The following TIPIN variants were observed in gnomAD, a reference collection of about 807,000 sequenced individuals.
The protein encoded by TIPIN is TIMELESS-interacting protein.
TIPIN carries 29 observed loss-of-function variants against 35.6 expected under a neutral mutation model. The ratio of observed to expected loss-of-function variants is 0.82; its 90% CI spans 0.61 to 1.11. TIPIN has a LOEUF of 1.11. Among genes scored for constraint, TIPIN ranks in the 50% most tolerant of loss-of-function variants. The pLI is 0.00. For missense variants in TIPIN, 296 were observed against 345.4 expected, an observed-to-expected ratio of 0.86 and a Z score of 1.13; for synonymous variants, 102 against 121.5, an observed-to-expected ratio of 0.84 and a Z score of 1.06.
chr15:66,367,754 A>G, intron 1 of TIPIN, among the ~76,000 whole-genome samples: 1 of 152,040 alleles, frequency 6.6e-6, no homozygotes, highest in Non-Finnish European at 1.5e-5. Context: ...CCAAGAAAAA[A>G]AAAGGACATT....
At chr15:66,361,341 C>T (rs1457413644), upstream of TIPIN, among the ~76,000 whole-genome samples, 10 of 150,748 alleles carry the variant, frequency 6.6e-5, no homozygotes, top group African/African-American at 1.7e-4. Context: ...CTGCAAGCTC[C>T]GCTTCCCGGG....
At chr15:66,368,045 G>A (rs537484070) in intron 1 of TIPIN, among the ~76,000 whole-genome samples, 2 of 151,612 alleles carry the variant, frequency 1.3e-5, no homozygotes, top group East Asian at 3.9e-4. Context: ...TGTTGGCCAG[G>A]CTGGTCTCGA....
chr15:66,351,798 C>T (rs2093170023), intron 3 of TIPIN, among the ~76,000 whole-genome samples, 198 bp from the exon 4 acceptor site: 1 of 151,972 alleles, frequency 6.6e-6, no homozygotes, highest in Non-Finnish European at 1.5e-5. Flanking sequence ...CACCACTGCA[C>T]CCAGCTAATT....
At chr15:66,357,595 CAAAAAAAAAAAAAAAAAAA>C (rs574898699), upstream of TIPIN, among the ~76,000 whole-genome samples, 1 of 63,440 alleles carries the variant, frequency 1.6e-5, no homozygotes. Flanking sequence ...GATCTTGTCG[CAAAAAAAAAAAAAAAAAAA>C]AAAAAAAAAG....
intron 6 of TIPIN, among the ~76,000 whole-genome samples, chr15:66,342,671 G>A (rs747960779): frequency 4.6e-5 from 7 of 152,070 alleles, no homozygotes; most frequent in Non-Finnish European, 8.8e-5. Context: ...GCCAGTAAAA[G>A]GTAATTTTAT....
chr15:66,376,255 C>G (rs540590576), intron 1 of TIPIN, among the ~76,000 whole-genome samples: 2 of 152,146 alleles, frequency 1.3e-5, no homozygotes, highest in African/African-American at 4.8e-5. Flanking sequence ...TTGGAATGAC[C>G]GTACTGTATA....
chr15:66,364,116 T>A (rs1286286846), intron 1 of TIPIN, among the ~76,000 whole-genome samples: 1 of 149,562 alleles, frequency 6.7e-6, no homozygotes. Flanking sequence ...CAGGGACAAA[T>A]ATCCAAACCA....
At chr15:66,375,976 C>T (rs187293749) in intron 1 of TIPIN, among the ~76,000 whole-genome samples, 7 of 152,086 alleles carry the variant, frequency 4.6e-5, no homozygotes, top group African/African-American at 7.2e-5. Flanking sequence ...CGGCGCACGC[C>T]TGTAGTCCTA....
Position 66,349,364 on chromosome 15 carries a change from T to C in TIPIN, c.362A>G (p.Glu121Gly). Residue 121 changes from glutamate to glycine, a missense_variant, in exon 5 of 8, where the codon GAG becomes GGG. Transcript: ENST00000261881. ...GTATTCAACTCTGTCAATAAAATCC[T>C]CAAACTGCAGTTTAGGGAATAGCCT... is the stretch of plus-strand genomic sequence containing the variant. ...AHRLFPKLQF[E>G]DFIDRVEYLG... 1 of 1,614,096 alleles carries C rather than the reference T, an allele frequency of 6.2e-7. No homozygotes were observed. The highest frequency in any genetic ancestry group is 8.5e-7 in the Non-Finnish European group (1 of 1,180,014).
chr15:66,384,593 A>T (rs1360462185), intron 1 of TIPIN, among the ~76,000 whole-genome samples: 2 of 151,912 alleles, frequency 1.3e-5, no homozygotes, highest in Non-Finnish European at 2.9e-5. Context: ...CACTGCATCC[A>T]CCCAGAATAA....
chr15:66,372,367 G>A (rs2093280711), intron 1 of TIPIN, among the ~76,000 whole-genome samples: 1 of 152,228 alleles, frequency 6.6e-6, no homozygotes, highest in Admixed American at 6.5e-5. Context: ...CAGGATGTTT[G>A]TGAGATTTAC....
chr15:66,338,813 CAAA>C (rs35966273), intron 7 of TIPIN, among the ~76,000 whole-genome samples: 1 of 35,282 alleles, frequency 2.8e-5, no homozygotes, highest in African/African-American at 1.3e-4. Context: ...GACTCCGTCT[CAAA>C]AAAAAAAAAA....
At chr15:66,365,212 G>A (rs556417870) in intron 1 of TIPIN, among the ~76,000 whole-genome samples, 158 of 152,196 alleles carry the variant, frequency 1.0e-3, no homozygotes, top group African/African-American at 3.7e-3. Context: ...ACAAAAGCCA[G>A]CCAAAACCCA....
intron 1 of TIPIN, among the ~76,000 whole-genome samples, chr15:66,362,247 G>A (rs2093234831): frequency 6.6e-6 from 1 of 151,684 alleles, no homozygotes; most frequent in African/African-American, 2.4e-5. Context: ...AAGTTGCAGT[G>A]AGCCGAGATT....
At chr15:66,350,331 C>T (rs1016883480) in intron 4 of TIPIN, among the ~76,000 whole-genome samples, 8 of 152,004 alleles carry the variant, frequency 5.3e-5, no homozygotes, top group African/African-American at 9.7e-5. Flanking sequence ...GTTGGCCAGG[C>T]GCAGTGTCTC....
intron 1 of TIPIN, among the ~76,000 whole-genome samples, chr15:66,369,180 C>T (rs1007691723): frequency 1.3e-5 from 2 of 151,934 alleles, no homozygotes; most frequent in African/African-American, 4.8e-5. Context: ...CATGGTTCAG[C>T]GGTAATCATA....
At chr15:66,366,393 G>A (rs1374060753) in intron 1 of TIPIN, among the ~76,000 whole-genome samples, 2 of 151,952 alleles carry the variant, frequency 1.3e-5, no homozygotes, top group Non-Finnish European at 2.9e-5. Flanking sequence ...GGCAGAGGTT[G>A]CAGTGAGACG....
At chr15:66,345,124 T>C (rs1365049226) in intron 6 of TIPIN, among the ~76,000 whole-genome samples, 1 of 152,076 alleles carries the variant, frequency 6.6e-6, no homozygotes, top group African/African-American at 2.4e-5. Context: ...GGGATGCAAC[T>C]ATAACAGTGT....
In TIPIN at chr15:66,353,747, A is replaced by C. The variant is rs181629468; in HGVS notation, c.-8-792T>G. The stretch of plus-strand genomic sequence containing the variant: ...GTTTCCTGAATGGGAAATTATCCTC[A>C]GGTTGATAACTCGAAAGAATGTTTT... On this transcript the variant is annotated intron_variant, in intron 1 of 7. Coordinates refer to ENST00000261881, the MANE Select transcript of TIPIN (RefSeq NM_017858.3). Among the ~76,000 whole-genome samples, 5 of 152,258 alleles carry C rather than the reference A, an allele frequency of 3.3e-5. No individual in the cohort carries two copies. The East Asian group carries it at 7.7e-4, about 23-fold the overall frequency.
Sources: gnomAD v4.1 joint callset for allele counts (sites outside exome capture counted in the v4.1 genomes callset) on GRCh38, gnomAD v4.1.1 for gene constraint, MANE v1.5 for transcripts, NCBI Gene and HGNC (gene_info 2026-07-23, HGNC 2026-07-21) for gene names.